DAB1: variants seen among roughly 807,000 people sequenced by gnomAD.
DAB1 encodes DAB adaptor protein 1, also known as disabled homolog 1.
DAB1 carries 15 observed loss-of-function variants against 64.6 expected under a neutral mutation model. That is an observed-to-expected ratio of 0.23 (90% CI 0.16 to 0.36). The LOEUF (loss-of-function observed/expected upper bound fraction) is 0.36. Ranked by LOEUF, DAB1 falls within the 10% of genes least tolerant of loss-of-function variation. DAB1 has a pLI of 1.00. For missense variants in DAB1, 596 were observed against 706.7 expected, an observed-to-expected ratio of 0.84 and a Z score of 1.78; for synonymous variants, 235 against 251.9, an observed-to-expected ratio of 0.93 and a Z score of 0.64.
At chr1:57,602,010 T>C (rs765951550) in intron 7 of DAB1, among the ~76,000 whole-genome samples, 4 of 152,182 alleles carry the variant, frequency 2.6e-5, no homozygotes, top group Non-Finnish European at 5.9e-5. Flanking sequence ...GTGTAGGAGA[T>C]AGGATTAGAA....
chr1:57,525,276 T>C (rs1040870238), intron 7 of DAB1, among the ~76,000 whole-genome samples: 6 of 152,030 alleles, frequency 3.9e-5, no homozygotes, highest in Admixed American at 3.3e-4. Context: ...AATGAGTCCA[T>C]ACAGGAGCAG....
intron 1 of DAB1, among the ~76,000 whole-genome samples, chr1:57,856,517 C>A (rs1004500838): frequency 7.2e-5 from 11 of 152,168 alleles, no homozygotes; most frequent in African/African-American, 2.4e-4. Context: ...AATCCCAGCA[C>A]TTTGGGAGGC....
intron 7 of DAB1, among the ~76,000 whole-genome samples, chr1:57,591,889 T>C (rs980717520): frequency 6.6e-6 from 1 of 152,166 alleles, no homozygotes; most frequent in African/African-American, 2.4e-5. Context: ...CTTTAGAGAA[T>C]CCTGGGAAGG....
At chr1:57,324,946 G>C (rs1255223314) in intron 1 of DAB1, among the ~76,000 whole-genome samples, 1 of 152,218 alleles carries the variant, frequency 6.6e-6, no homozygotes, top group Non-Finnish European at 1.5e-5. Context: ...AACTGCTCAA[G>C]AGCCAGGGTG....
chr1:57,851,050 C>T (rs947618092), intron 1 of DAB1, among the ~76,000 whole-genome samples: 22 of 152,104 alleles, frequency 1.4e-4, no homozygotes, highest in African/African-American at 5.3e-4. Flanking sequence ...AGGTTGCCAT[C>T]AATATATTTC....
intron 5 of DAB1, among the ~76,000 whole-genome samples, chr1:57,894,317 C>T (rs1034836545): frequency 6.6e-6 from 1 of 152,162 alleles, no homozygotes; most frequent in Non-Finnish European, 1.5e-5. Context: ...TCTAAGGAGG[C>T]AAGAATTGAC....
intron 7 of DAB1, among the ~76,000 whole-genome samples, chr1:57,640,480 TGACACAAGAAACCA>T (rs1394996307): frequency 2.0e-5 from 3 of 152,010 alleles, no homozygotes; most frequent in African/African-American, 7.3e-5. Flanking sequence ...ATGAGGAGGG[TGACACAAGAAACCA>T]AGCCCACACA....
intron 1 of DAB1, among the ~76,000 whole-genome samples, chr1:57,413,234 T>C (rs888139438): frequency 2.6e-5 from 4 of 152,204 alleles, no homozygotes; most frequent in Non-Finnish European, 5.9e-5. Flanking sequence ...ACAGACCTGG[T>C]CACCCAAGAG....
chr1:57,397,787 A>G (rs751459032), intron 1 of DAB1, among the ~76,000 whole-genome samples: 1 of 152,266 alleles, frequency 6.6e-6, no homozygotes, highest in African/African-American at 2.4e-5. Flanking sequence ...CATCTCCTTC[A>G]TAAGAACGGC....
At chr1:57,509,884 A>G (rs1157672804) in intron 7 of DAB1, among the ~76,000 whole-genome samples, 1 of 152,178 alleles carries the variant, frequency 6.6e-6, no homozygotes, top group East Asian at 1.9e-4. Context: ...ACCTTTCCTC[A>G]ACCCCACATT....
chr1:58,113,038 T>G (rs1652072902), intron 5 of DAB1, among the ~76,000 whole-genome samples: 1 of 152,194 alleles, frequency 6.6e-6, no homozygotes, highest in Admixed American at 6.5e-5. Context: ...ACACATATGT[T>G]TTCTGTCCTT....
At chr1:57,615,500 A>ACTT (rs1645781269) in intron 7 of DAB1, among the ~76,000 whole-genome samples, 1 of 152,140 alleles carries the variant, frequency 6.6e-6, no homozygotes, top group African/African-American at 2.4e-5. Flanking sequence ...AGGACCATCA[A>ACTT]CTTCTGACTT....
chr1:58,194,886 C>A (rs1657588801), intron 4 of DAB1, among the ~76,000 whole-genome samples: 1 of 152,180 alleles, frequency 6.6e-6, no homozygotes, highest in African/African-American at 2.4e-5. Context: ...CAGGCACAGC[C>A]TGGAATACTG....
At chr1:57,046,865 T>G (rs1390242786) in intron 9 of DAB1, among the ~76,000 whole-genome samples, 1 of 152,214 alleles carries the variant, frequency 6.6e-6, no homozygotes, top group Non-Finnish European at 1.5e-5. Context: ...ACAAGAAGGA[T>G]AGAAGCTTCT....
intron 6 of DAB1, among the ~76,000 whole-genome samples, chr1:57,808,424 G>A (rs781533361): frequency 1.2e-4 from 19 of 152,146 alleles, no homozygotes; most frequent in African/African-American, 2.7e-4. Flanking sequence ...GAGAGAAAGC[G>A]TAGTGAGGGT....
chr1:57,338,790 G>A (rs1458972416), intron 1 of DAB1, among the ~76,000 whole-genome samples: 2 of 152,136 alleles, frequency 1.3e-5, no homozygotes, highest in Non-Finnish European at 2.9e-5. Flanking sequence ...AGGATCAGGG[G>A]CCCCAAGTCA....
At chr1:57,557,145 G>A (rs1021228949) in intron 7 of DAB1, among the ~76,000 whole-genome samples, 14 of 152,162 alleles carry the variant, frequency 9.2e-5, no homozygotes, top group African/African-American at 3.4e-4. Flanking sequence ...GCTTGGAAAG[G>A]TAGACCGACT....
chr1:57,197,519 A>G (rs483280), intron 2 of DAB1, among the ~76,000 whole-genome samples: 34,585 of 152,198 alleles, frequency 0.23, 4,937 homozygotes, highest in Non-Finnish European at 0.32. Flanking sequence ...CACAACATGA[A>G]CTAGGTACAA....
chr1:57,138,903 C>T (rs913821509), intron 3 of DAB1, among the ~76,000 whole-genome samples: 4 of 152,146 alleles, frequency 2.6e-5, no homozygotes, highest in Admixed American at 1.3e-4. Context: ...TTCAGTTGTG[C>T]ATGGAACTTT....
Sources: allele counts gnomAD v4.1 joint callset (sites outside exome capture counted in the v4.1 genomes callset), GRCh38; gene constraint gnomAD v4.1.1; transcripts MANE v1.5; gene names NCBI Gene and HGNC (gene_info 2026-07-23, HGNC 2026-07-21).